NAALADL2: variants seen among roughly 807,000 people sequenced by gnomAD.
NAALADL2 encodes the protein inactive N-acetylated-alpha-linked acidic dipeptidase-like protein 2.
NAALADL2 carries 76 observed loss-of-function variants against 87.2 expected under a neutral mutation model. That is an observed-to-expected ratio of 0.87 (90% CI 0.72 to 1.05). The LOEUF (loss-of-function observed/expected upper bound fraction) is 1.05, where lower values mean the gene tolerates loss of function less well. NAALADL2 is among the 50% of genes least tolerant of loss of function. The pLI, the probability that NAALADL2 is intolerant of heterozygous loss-of-function variation, is 0.00. For synonymous variants in NAALADL2, 354 were observed against 331.0 expected (o/e 1.07, Z -0.75); for missense variants, 1,089 against 945.8 (o/e 1.15, Z -1.99).
In NAALADL2 at chr3:175,097,057, C is replaced by G; in HGVS notation, c.311C>G (p.Ser104Cys). ...AGGTTCCAGAGACTTCAAGAAGAAT[C>G]TGACTACATTACCCATTATACACGA... ...KGRFQRLQEE[S>C]DYITHYTRSA... is the part of the protein sequence containing the mutation. Residue 104 changes from serine (S) to cysteine (C), a missense_variant, in exon 2 of 14, where the codon TCT (serine) becomes TGT (cysteine). Physicochemically the swap from Ser to Cys is moderately radical, Grantham distance 112. Transcript: ENST00000454872. The G allele has an allele frequency of 6.2e-7, 1 of 1,613,752 alleles. No individual in the cohort carries two copies. Among genetic ancestry groups the G allele is most frequent in the Non-Finnish European group, 8.5e-7 (1 of 1,179,758 alleles).
intron 1 of NAALADL2, among the ~76,000 whole-genome samples, chr3:174,883,428 A>G (rs961776463): frequency 3.9e-5 from 6 of 152,166 alleles, no homozygotes; most frequent in African/African-American, 9.7e-5. Context: ...TACGCCTAAC[A>G]TGACACAACT....
At chr3:174,691,280 C>T (rs990121045) in intron 2 of NAALADL2, among the ~76,000 whole-genome samples, 32 of 151,894 alleles carry the variant, frequency 2.1e-4, no homozygotes, top group African/African-American at 6.8e-4. Context: ...GGTGTGATGA[C>T]GTGCACCTGT....
At chr3:175,352,698 AAG>A (rs1276890026) in intron 5 of NAALADL2, among the ~76,000 whole-genome samples, 1 of 152,164 alleles carries the variant, frequency 6.6e-6, no homozygotes, top group African/African-American at 2.4e-5. Context: ...TTTCTGGACT[AAG>A]AGGGAGCAGA....
intron 9 of NAALADL2, among the ~76,000 whole-genome samples, chr3:175,568,268 C>T (rs766314587): frequency 2.0e-5 from 3 of 151,938 alleles, no homozygotes; most frequent in Non-Finnish European, 4.4e-5. Flanking sequence ...ATCTGCAATG[C>T]ATCATTAAAT....
rs190516810 is a variant in NAALADL2 at position 175,701,090 on chromosome 3, A to G, written c.1897-36216A>G. ...AAGGGAGACACTCCCCATCACTTGC[A>G]TTTGGCAGAAAATCAAAGGCAGGCA... On this transcript the variant is annotated intron_variant, in intron 11 of 13. Transcript: ENST00000454872. 1.5e-3 allele frequency among the ~76,000 whole-genome samples: 231 copies of G among 152,276 alleles called. 1 individual carries two copies. The highest frequency in any genetic ancestry group is 5.3e-3 in the African/African-American group (220 of 41,566).
intron 1 of NAALADL2, among the ~76,000 whole-genome samples, chr3:174,542,163 A>G (rs374775135): frequency 2.0e-4 from 31 of 152,308 alleles, no homozygotes; most frequent in African/African-American, 6.5e-4. Context: ...GATACACATC[A>G]GGGAAACTAG....
At chr3:175,769,514 T>C (rs1201814631) in intron 13 of NAALADL2, among the ~76,000 whole-genome samples, 1 of 152,188 alleles carries the variant, frequency 6.6e-6, no homozygotes, top group Non-Finnish European at 1.5e-5. Context: ...TATAGGTAGA[T>C]TGTAACATAC....
At chr3:175,731,929 G>A (rs557272047) in intron 11 of NAALADL2, among the ~76,000 whole-genome samples, 1 of 152,008 alleles carries the variant, frequency 6.6e-6, no homozygotes, top group Non-Finnish European at 1.5e-5. Context: ...ATTATACAGT[G>A]CAAACTGGAA....
intron 9 of NAALADL2, among the ~76,000 whole-genome samples, chr3:175,558,448 A>T (rs1163589703): frequency 2.6e-5 from 4 of 151,664 alleles, no homozygotes; most frequent in Non-Finnish European, 5.9e-5. Context: ...TCATTTGTCC[A>T]TTTTTGCTTT....
At chr3:175,493,747 T>A (rs1024761629) in intron 9 of NAALADL2, among the ~76,000 whole-genome samples, 1 of 152,190 alleles carries the variant, frequency 6.6e-6, no homozygotes, top group Non-Finnish European at 1.5e-5. Flanking sequence ...GTTTTTTCAA[T>A]CTGCTAGTAC....
chr3:175,588,902 G>A (rs867477052), intron 10 of NAALADL2, among the ~76,000 whole-genome samples: 4 of 152,040 alleles, frequency 2.6e-5, no homozygotes, highest in East Asian at 1.9e-4. Context: ...AGCTCAAAAC[G>A]TTTACTAATT....
Position 175,210,792 on chromosome 3 carries a change from T to C in NAALADL2, c.546-23139T>C, listed in dbSNP as rs144894053. ...TCCTAATCCAGTGCTCTATTTACCATACTGCCTATGTCATTTAAAAAATGT... is the reference window on the plus strand; with the variant it reads ...TCCTAATCCAGTGCTCTATTTACCACACTGCCTATGTCATTTAAAAAATGT... On this transcript the variant is annotated intron_variant, in intron 2 of 13. Coordinates refer to ENST00000454872, the MANE Select transcript of NAALADL2 (RefSeq NM_207015.3). 1.6e-3 allele frequency among the ~76,000 whole-genome samples: 243 copies of C among 151,936 alleles called. 1 individual carries two copies. Among genetic ancestry groups the C allele is most frequent in the African/African-American group, 5.6e-3 (232 of 41,552 alleles).
At chr3:174,711,143 A>G (rs557692809) in intron 2 of NAALADL2, among the ~76,000 whole-genome samples, 1 of 152,190 alleles carries the variant, frequency 6.6e-6, no homozygotes, top group Non-Finnish European at 1.5e-5. Context: ...TTTCAAATCC[A>G]TATACTACAC....
intron 1 of NAALADL2, among the ~76,000 whole-genome samples, chr3:175,022,372 T>A (rs1260460838): frequency 1.3e-5 from 2 of 152,034 alleles, no homozygotes; most frequent in Non-Finnish European, 2.9e-5. Context: ...GGACTCTAAT[T>A]GTCTGCTTGA....
chr3:175,733,782 A>G (rs1744112841), intron 11 of NAALADL2, among the ~76,000 whole-genome samples: 1 of 152,344 alleles, frequency 6.6e-6, no homozygotes, highest in East Asian at 1.9e-4. Flanking sequence ...GGTATTGGGT[A>G]AATACAGCCA....
intron 1 of NAALADL2, among the ~76,000 whole-genome samples, chr3:175,093,412 T>TATATATATATATATATATATA (rs1720507064): frequency 2.2e-5 from 1 of 45,306 alleles, no homozygotes; most frequent in African/African-American, 1.2e-4. Context: ...TTCATTTTAT[T>TATATATATATATATATATATA]TTTTTATATA....
chr3:174,749,520 C>T (rs1734616929), intron 3 of NAALADL2, among the ~76,000 whole-genome samples: 1 of 150,094 alleles, frequency 6.7e-6, no homozygotes, highest in South Asian at 2.1e-4. Context: ...AAAAAAACAG[C>T]AAAAAAGTGG....
intron 10 of NAALADL2, among the ~76,000 whole-genome samples, chr3:175,608,772 C>CTA (rs1247574401): frequency 2.6e-5 from 4 of 152,092 alleles, no homozygotes; most frequent in Non-Finnish European, 2.9e-5. Context: ...TAGTGAATGT[C>CTA]TATAATATGC....
intron 2 of NAALADL2, among the ~76,000 whole-genome samples, chr3:174,694,336 T>C (rs546631474): frequency 6.6e-6 from 1 of 152,182 alleles, no homozygotes; most frequent in East Asian, 1.9e-4. Flanking sequence ...TAGAGGGTCA[T>C]AGATGGACCT....
Sources: gnomAD v4.1 joint callset for allele counts (sites outside exome capture counted in the v4.1 genomes callset) on GRCh38, gnomAD v4.1.1 for gene constraint, MANE v1.5 for transcripts, NCBI Gene and HGNC (gene_info 2026-07-23, HGNC 2026-07-21) for gene names.